The following ABCB9 variants were observed in gnomAD, a reference collection of about 807,000 sequenced individuals.
ABCB9 encodes the protein ATP binding cassette subfamily B member 9, also known as ABC-type oligopeptide transporter ABCB9.
In ABCB9, 36 loss-of-function variants were observed where a neutral mutation model predicts 62.0. The observed-to-expected ratio is 0.58, with a 90% confidence interval of 0.45 to 0.77. The LOEUF is 0.77. Among genes scored for constraint, ABCB9 ranks in the 30% least tolerant of loss-of-function variants. The probability of loss-of-function intolerance (pLI) is 0.00; values close to 1 mark genes in which losing one functional copy is unlikely to be tolerated. For synonymous variants in ABCB9, 435 were observed against 461.4 expected, an observed-to-expected ratio of 0.94 and a Z score of 0.73; for missense variants, 943 against 1,054.7, an observed-to-expected ratio of 0.89 and a Z score of 1.47.
At chr12:122,939,369 T>G (rs1594002172) in intron 9 of ABCB9, 1 of 152,154 alleles carries the variant, frequency 6.6e-6, no homozygotes, top group East Asian at 1.9e-4. Flanking sequence ...TCTACCCAGA[T>G]GAAGTTCCGA....
chr12:122,957,408 G>A (rs2036655260), intron 2 of ABCB9, among the ~76,000 whole-genome samples: 1 of 152,108 alleles, frequency 6.6e-6, no homozygotes, highest in African/African-American at 2.4e-5. Context: ...TTGCACAGAG[G>A]AGGGAAGTGA....
chr12:122,972,721 C>T (rs1443314241), intron 1 of ABCB9: 1 of 152,020 alleles, frequency 6.6e-6, no homozygotes, highest in Non-Finnish European at 1.5e-5. Context: ...CCATGTTGCC[C>T]AGGCTGGTCT....
chr12:122,960,640 G>A (rs2036842827), intron 1 of ABCB9, among the ~76,000 whole-genome samples: 1 of 152,058 alleles, frequency 6.6e-6, no homozygotes, highest in African/African-American at 2.4e-5. Context: ...CACTTTGGGA[G>A]GCCGAGGTAG....
rs1177340853 is a variant in ABCB9 at position 122,960,218 on chromosome 12, C to T, written c.18G>A (p.Ala6=). 1.1e-5 allele frequency: 18 copies of T among 1,611,780 alleles called. No individual in the cohort carries two copies. Among genetic ancestry groups the T allele is most frequent in the African/African-American group, 4.0e-5 (3 of 74,898 alleles). The change falls in exon 2 of 12, where the codon GCG becomes GCA. Residue 6 remains alanine (A), a synonymous_variant. Transcript: ENST00000280560. The stretch of plus-strand genomic sequence containing the variant: ...TCATGAAGGCCAAAGTCACCACCAC[C>T]GCCTTCCACAGCCGCATCCTGCTGG... The part of the protein sequence containing the change: MRLWK[A]VVVTLAFMSV...
intron 2 of ABCB9, among the ~76,000 whole-genome samples, chr12:122,955,278 A>C (rs117723244): frequency 1.3e-5 from 2 of 152,294 alleles, no homozygotes; most frequent in Non-Finnish European, 2.9e-5. Context: ...CTGACTCTTG[A>C]TGCAATCCTG....
At chr12:122,933,682 T>C (rs1316288011) in intron 10 of ABCB9, among the ~76,000 whole-genome samples, 1 of 152,146 alleles carries the variant, frequency 6.6e-6, no homozygotes, top group Non-Finnish European at 1.5e-5. Flanking sequence ...AATTAATTAC[T>C]AGAACTACTT....
downstream of ABCB9, among the ~76,000 whole-genome samples, chr12:122,928,398 G>A (rs1380279089): frequency 6.6e-6 from 1 of 151,820 alleles, no homozygotes; most frequent in Non-Finnish European, 1.5e-5. Flanking sequence ...GAACTCGGGA[G>A]GTGGAGGTTG....
chr12:122,935,192 G>C (rs1333105438), intron 10 of ABCB9, 80 bp downstream of exon 10: 1 of 1,432,042 alleles, frequency 7.0e-7, no homozygotes, highest in Admixed American at 2.7e-5. Flanking sequence ...AGGTGGCAGG[G>C]GGCAGTGCTT....
chr12:122,944,912 C>T lies in ABCB9; in HGVS notation c.1252-393G>A, dbSNP rs982588833. On this transcript the variant is annotated intron_variant, in intron 6 of 11. Coordinates refer to ENST00000280560, the MANE Select transcript of ABCB9 (RefSeq NM_019625.4). The surrounding 1 kb of genome is among the most constrained non-coding windows in gnomAD (Gnocchi z 4.9). ...ACAGTGAGCTCTCTGTCTCCTCCCC[C>T]AGTGGGGTTCCGTGAAGAAGGGGCT... Among the ~76,000 whole-genome samples, 3 of 152,220 alleles carry T rather than the reference C, an allele frequency of 2.0e-5. No individual in the cohort carries two copies. The highest frequency in any genetic ancestry group is 7.2e-5 in the African/African-American group (3 of 41,458).
intron 1 of ABCB9, chr12:122,974,497 A>G (rs557507609): frequency 6.6e-6 from 1 of 152,308 alleles, no homozygotes; most frequent in South Asian, 2.1e-4. Context: ...CATCTGTAAG[A>G]CGGTGATATA....
In ABCB9 at chr12:122,964,443, A is replaced by T. The variant is rs532871302; in HGVS notation, c.-88+1844T>A. 3.2e-4 allele frequency among the ~76,000 whole-genome samples: 48 copies of T among 152,356 alleles called. No individual in the cohort carries two copies. Among genetic ancestry groups the T allele is most frequent in the African/African-American group, 1.1e-3 (47 of 41,588 alleles). On this transcript the variant is annotated intron_variant, in intron 1 of 11. Transcript: ENST00000280560. This position sits in a 1 kb window ranked among gnomAD's most constrained non-coding sequence, Gnocchi z 4.7. Reference sequence around the variant, plus strand: ...GGGTGAGGCTTGTCTCAGGTCATCCACCAGGCTGGGGCAGAGCAGTGCTAG... The same window carrying T: ...GGGTGAGGCTTGTCTCAGGTCATCCTCCAGGCTGGGGCAGAGCAGTGCTAG...
At position 122,944,690 on chromosome 12, in the gene ABCB9, C is replaced by T. The variant is rs1419438897; in HGVS notation, c.1252-171G>A. 1.1e-6 allele frequency: 1 copy of T among 870,688 alleles called. No individual in the cohort carries two copies. The highest frequency in any genetic ancestry group is 1.7e-5 in the African/African-American group (1 of 58,870). The allele number at this position is 870,688 out of a possible 1,614,324, so 53.9% of individuals were successfully genotyped here. On this transcript the variant is annotated intron_variant, in intron 6 of 11. Transcript: ENST00000280560. This position sits in a 1 kb window ranked among gnomAD's most constrained non-coding sequence, Gnocchi z 4.9. Reference sequence around the variant, plus strand: ...CAAGGCTTGTCACTCATGCCTTCCCCTGCCCCGAGCATTTCCCTACAGAGG... The same window carrying T: ...CAAGGCTTGTCACTCATGCCTTCCCTTGCCCCGAGCATTTCCCTACAGAGG...
rs1474048639 is a variant in ABCB9, at chr12:122,964,165, G to A, written c.-88+2122C>T. On this transcript the variant is annotated intron_variant, in intron 1 of 11. Coordinates refer to ENST00000280560, the MANE Select transcript of ABCB9 (RefSeq NM_019625.4). This position sits in a 1 kb window ranked among gnomAD's most constrained non-coding sequence, Gnocchi z 4.7. ...AGAAAGGGGCTCGGGCTCAGAAGTGGAACAGGAGGCAGATCCGCAAGAGAC... is the reference window on the plus strand; with the variant it reads ...AGAAAGGGGCTCGGGCTCAGAAGTGAAACAGGAGGCAGATCCGCAAGAGAC... 6.6e-6 allele frequency among the ~76,000 whole-genome samples: 1 copy of A among 152,260 alleles called. No individual in the cohort carries two copies. Among genetic ancestry groups the A allele is most frequent in the East Asian group, 1.9e-4 (1 of 5,170 alleles).
intron 7 of ABCB9, among the ~76,000 whole-genome samples, chr12:122,943,722 C>T (rs948294296): frequency 4.0e-5 from 6 of 151,102 alleles, no homozygotes; most frequent in Admixed American, 1.3e-4. Context: ...CTCTGCCTCC[C>T]GGGTTCAAGC....
downstream of ABCB9, among the ~76,000 whole-genome samples, chr12:122,924,213 C>T (rs1249193357): frequency 1.3e-5 from 2 of 152,194 alleles, no homozygotes; most frequent in Non-Finnish European, 2.9e-5. Flanking sequence ...ACCTGGGTTC[C>T]AGCCTTGGCC....
chr12:122,939,747 G>C (rs1210688731), intron 9 of ABCB9: 1 of 169,016 alleles, frequency 5.9e-6, no homozygotes, highest in Non-Finnish European at 1.3e-5. Context: ...GGCCATGCTG[G>C]TCTTGAACTC....
chr12:122,939,079 G>C (rs1243540554), intron 9 of ABCB9, among the ~76,000 whole-genome samples: 1 of 152,038 alleles, frequency 6.6e-6, no homozygotes, highest in African/African-American at 2.4e-5. Context: ...GGCTGAGATA[G>C]GAGAATAGCT....
At chr12:122,961,710 C>A (rs1001186019) in intron 1 of ABCB9, among the ~76,000 whole-genome samples, 8 of 152,174 alleles carry the variant, frequency 5.3e-5, no homozygotes, top group Non-Finnish European at 8.8e-5. Context: ...GAGGATTTTG[C>A]ATCCATAGTG....
chr12:122,931,602 G>A (rs2035168584), intron 11 of ABCB9: 1 of 156,502 alleles, frequency 6.4e-6, no homozygotes, highest in South Asian at 1.9e-4. Context: ...TGGGATTATA[G>A]GCATGAGCCA....
Sources: gnomAD v4.1 joint callset for allele counts (sites outside exome capture counted in the v4.1 genomes callset) on GRCh38, gnomAD v4.1.1 for gene constraint, Gnocchi (gnomAD v3.1) non-coding constraint, MANE v1.5 for transcripts, NCBI Gene and HGNC (gene_info 2026-07-23, HGNC 2026-07-21) for gene names.